The following CHD1L variants were observed in gnomAD, a reference collection of about 807,000 sequenced individuals.
The protein encoded by CHD1L is chromodomain helicase DNA binding protein 1 like.
CHD1L carries 118 observed loss-of-function variants against 115.9 expected under a neutral mutation model. The observed-to-expected ratio is 1.02, with a 90% CI of 0.88 to 1.19. The LOEUF (loss-of-function observed/expected upper bound fraction) is 1.19. Among genes scored for constraint, CHD1L ranks in the 50% most tolerant of loss-of-function variants. CHD1L has a pLI of 0.00. For missense variants in CHD1L, 1,179 were observed against 1,065.3 expected (o/e 1.11, Z -1.49); for synonymous variants, 411 against 387.1 (o/e 1.06, Z -0.72).
chr1:147,283,237 G>T (rs1681631921), intron 15 of CHD1L, among the ~76,000 whole-genome samples: 1 of 152,060 alleles, frequency 6.6e-6, no homozygotes, highest in Admixed American at 6.6e-5. Flanking sequence ...GATTTAATTA[G>T]CAAATGCCAA....
chr1:147,276,221 G>T lies in CHD1L; in HGVS notation c.1503G>T (p.Leu501=). 6.2e-7 allele frequency: 1 copy of T among 1,614,142 alleles called. No homozygotes were observed. The highest frequency in any genetic ancestry group is 8.5e-7 in the Non-Finnish European group (1 of 1,180,022). ...NMIIEGGHFT[L]GAQKPAADAD... ...TCATAGAAGGAGGCCATTTTACTCT[G>T]GGAGCCCAGAAACCCGCTGCCGATG... The change falls in exon 14 of 23, where the codon CTG becomes CTT. Residue 501 remains leucine, a synonymous_variant. Coordinates refer to ENST00000369258, the MANE Select transcript of CHD1L (RefSeq NM_004284.6).
At chr1:147,182,154 T>C in the CHD1L span, among the ~76,000 whole-genome samples, 5,608 of 152,328 alleles carry the variant, frequency 0.037, 147 homozygotes, top group South Asian at 0.095. Context: ...ATTTTTTTCC[T>C]GAGGTATTGC....
the CHD1L span, chr1:147,212,431 C>T: frequency 6.2e-6 from 10 of 1,614,154 alleles, no homozygotes; most frequent in Non-Finnish European, 8.5e-6. Context: ...GCCAGATCCC[C>T]TCCAGAATTC....
At chr1:147,266,654 C>A (rs1426151501) in intron 8 of CHD1L, among the ~76,000 whole-genome samples, 1 of 152,144 alleles carries the variant, frequency 6.6e-6, no homozygotes, top group Non-Finnish European at 1.5e-5. Context: ...TTCAACTGAT[C>A]TTTATTTTAC....
chr1:147,206,476 C>T, the CHD1L span, among the ~76,000 whole-genome samples: 3 of 152,106 alleles, frequency 2.0e-5, no homozygotes, highest in African/African-American at 7.2e-5. Flanking sequence ...ATGTTTATTG[C>T]GGCACTATTC....
intron 1 of CHD1L, 52 bp downstream of exon 1, chr1:147,242,882 G>C (rs1356492068): frequency 1.4e-5 from 18 of 1,248,620 alleles, no homozygotes; most frequent in Non-Finnish European, 1.7e-5. Context: ...TATTGGGACT[G>C]CCTCTTGCGG....
chr1:147,227,550 TTC>T, the CHD1L span, among the ~76,000 whole-genome samples: 4 of 152,252 alleles, frequency 2.6e-5, no homozygotes, highest in African/African-American at 7.2e-5. Context: ...GACTCAAATG[TTC>T]TCTCTCTTGC....
chr1:147,291,183 G>A (rs6665597), intron 19 of CHD1L, among the ~76,000 whole-genome samples: 33,218 of 152,106 alleles, frequency 0.22, 4,194 homozygotes, highest in Middle Eastern at 0.28. Flanking sequence ...CAAGCTCATA[G>A]TGCTCCCTCC....
intron 1 of CHD1L, among the ~76,000 whole-genome samples, chr1:147,245,132 T>C (rs782137719): frequency 2.6e-5 from 4 of 152,238 alleles, no homozygotes; most frequent in Non-Finnish European, 5.9e-5. Flanking sequence ...TCACTACTTG[T>C]CATCTCCCTG....
chr1:147,233,403 C>T, the CHD1L span, among the ~76,000 whole-genome samples: 5 of 147,574 alleles, frequency 3.4e-5, no homozygotes, highest in Admixed American at 1.3e-4. Flanking sequence ...CGGCCAGCCG[C>T]CCCGTCCGGG....
chr1:147,289,811 G>A (rs1449581247), intron 19 of CHD1L, among the ~76,000 whole-genome samples: 1 of 152,230 alleles, frequency 6.6e-6, no homozygotes, highest in South Asian at 2.1e-4. Context: ...GGCCATGCAG[G>A]CCAGAGTGGA....
chr1:147,181,667 A>G, the CHD1L span, among the ~76,000 whole-genome samples: 1 of 152,250 alleles, frequency 6.6e-6, no homozygotes, highest in African/African-American at 2.4e-5. Flanking sequence ...GCAAGTCACC[A>G]TACTAGTATT....
the CHD1L span, among the ~76,000 whole-genome samples, chr1:147,235,444 A>C: frequency 6.6e-6 from 1 of 152,174 alleles, no homozygotes; most frequent in Non-Finnish European, 1.5e-5. Context: ...ATAATTCACT[A>C]TGCATTATGG....
intron 11 of CHD1L, 145 bp downstream of exon 11, chr1:147,271,150 G>A (rs142207744): frequency 3.3e-5 from 22 of 668,336 alleles, no homozygotes; most frequent in African/African-American, 1.1e-4. Flanking sequence ...ATCAAAAGGC[G>A]AGAGGAGAGT....
Position 147,272,263 on chromosome 1 carries a change from C to T in CHD1L, c.1252C>T (p.Leu418Phe). The change falls in exon 12 of 23, where the codon CTC becomes TTC. Residue 418 changes from leucine (L) to phenylalanine (F), a missense_variant. Coordinates refer to ENST00000369258, the MANE Select transcript of CHD1L (RefSeq NM_004284.6). ...TGGACAGCAGCCCATTTTCGTTTTT[C>T]TCCTGAGTACTAGGGCAGGTAGGCT... ...NFGQQPIFVF[L>F]LSTRAGGVGM... 1 of 1,613,326 alleles carries T rather than the reference C, an allele frequency of 6.2e-7. No homozygotes were observed. The highest frequency in any genetic ancestry group is 8.5e-7 in the Non-Finnish European group (1 of 1,179,278).
chr1:147,276,359 A>G, intron 14 of CHD1L, 102 bp downstream of exon 14: 2 of 1,241,506 alleles, frequency 1.6e-6, no homozygotes, highest in Non-Finnish European at 2.2e-6. Context: ...CCCCAGCTAC[A>G]CATTTGTTCC....
In CHD1L at chr1:147,281,497, A is replaced by G. The variant is rs1473186571; in HGVS notation, c.1705+1306A>G. 2.6e-5 allele frequency among the ~76,000 whole-genome samples: 4 copies of G among 152,120 alleles called. No homozygotes were observed. In the South Asian group the frequency reaches 6.2e-4, roughly 24 times the overall value. On this transcript the variant is annotated intron_variant, in intron 15 of 22. Transcript: ENST00000369258. ...TGTTGATCTGTATAGTTTTTGTGGG[A>G]TAGGTGGAAAAGTTGGAATTTGGGC...
At chr1:147,221,454 G>T in the CHD1L span, among the ~76,000 whole-genome samples, 1 of 152,284 alleles carries the variant, frequency 6.6e-6, no homozygotes, top group East Asian at 1.9e-4. Context: ...AAACATGTTT[G>T]TACATAAGTG....
the CHD1L span, among the ~76,000 whole-genome samples, chr1:147,236,623 A>C: frequency 1.1e-4 from 16 of 150,890 alleles, no homozygotes; most frequent in Non-Finnish European, 1.2e-4. Context: ...GGTTGTCCCA[A>C]TGTCTGCTTA....
Sources: allele counts gnomAD v4.1 joint callset (sites outside exome capture counted in the v4.1 genomes callset), GRCh38; gene constraint gnomAD v4.1.1; transcripts MANE v1.5; gene names NCBI Gene and HGNC (gene_info 2026-07-23, HGNC 2026-07-21).